C8orf34: variants seen among roughly 807,000 people sequenced by gnomAD.
C8orf34 encodes the protein chromosome 8 open reading frame 34.
C8orf34 carries 65 observed loss-of-function variants against 68.3 expected under a neutral mutation model. The ratio of observed to expected loss-of-function variants is 0.95; its 90% CI spans 0.78 to 1.17. The LOEUF (loss-of-function observed/expected upper bound fraction) is 1.17, where lower values mean the gene tolerates loss of function less well. Among genes scored for constraint, C8orf34 ranks in the 50% most tolerant of loss-of-function variants. The probability of loss-of-function intolerance (pLI) is 0.00; values close to 1 mark genes in which losing one functional copy is unlikely to be tolerated. For synonymous variants in C8orf34, 244 were observed against 241.2 expected, an observed-to-expected ratio of 1.01 and a Z score of -0.11; for missense variants, 664 against 655.4, an observed-to-expected ratio of 1.01 and a Z score of -0.14.
At chr8:68,349,732 A>C (rs374919500) in intron 1 of C8orf34, among the ~76,000 whole-genome samples, 1 of 151,744 alleles carries the variant, frequency 6.6e-6, no homozygotes. Flanking sequence ...AAATTTATCT[A>C]TCTCTTTTAG....
chr8:68,597,610 G>A (rs942034053), intron 7 of C8orf34, among the ~76,000 whole-genome samples: 1 of 151,340 alleles, frequency 6.6e-6, no homozygotes, highest in Non-Finnish European at 1.5e-5. Context: ...GTGCACGGAC[G>A]AAGGAAATTT....
chr8:68,331,379 G>A (rs1424208819), intron 1 of C8orf34, 40 bp downstream of exon 1: 12 of 1,521,290 alleles, frequency 7.9e-6, no homozygotes, highest in Non-Finnish European at 9.7e-6. Flanking sequence ...TTGTCTTTAG[G>A]GGAAGGGGTG....
At position 68,547,682 on chromosome 8, in the gene C8orf34, G is replaced by A. The variant is rs1027251600; in HGVS notation, c.1105+14533G>A. Among the ~76,000 whole-genome samples the A allele has an allele frequency of 4.0e-5, 6 of 151,808 alleles. No homozygotes were observed. In the South Asian group the frequency reaches 1.0e-3, roughly 26 times the overall value. On this transcript the variant is annotated intron_variant, in intron 7 of 13. Coordinates refer to ENST00000518698, the MANE Select transcript of C8orf34 (RefSeq NM_052958.4). ...ACAGTCTCAAATGAATTTCTAATAG[G>A]CTTAGAAAGTTGACATTCAAATTCT...
intron 11 of C8orf34, among the ~76,000 whole-genome samples, chr8:68,778,175 C>T (rs1357750717): frequency 6.6e-6 from 1 of 152,088 alleles, no homozygotes; most frequent in African/African-American, 2.4e-5. Flanking sequence ...GAATGTGAGC[C>T]ATAAAATGAT....
intron 4 of C8orf34, among the ~76,000 whole-genome samples, chr8:68,470,141 T>C (rs956169855): frequency 6.6e-6 from 1 of 151,994 alleles, no homozygotes; most frequent in African/African-American, 2.4e-5. Context: ...TTGTAGAAAA[T>C]AAGAGTAAAG....
intron 7 of C8orf34, among the ~76,000 whole-genome samples, chr8:68,623,113 T>C (rs533832329): frequency 7.2e-5 from 11 of 152,326 alleles, no homozygotes; most frequent in Admixed American, 3.9e-4. Context: ...CTGTGTAACT[T>C]GATCAGATTA....
chr8:68,617,058 C>G (rs1185670359), intron 7 of C8orf34, among the ~76,000 whole-genome samples: 1 of 152,082 alleles, frequency 6.6e-6, no homozygotes, highest in Non-Finnish European at 1.5e-5. Flanking sequence ...TTCTTTGTCT[C>G]TTTTGATCTT....
At chr8:68,485,736 T>A (rs1464585429) in intron 4 of C8orf34, among the ~76,000 whole-genome samples, 12 of 149,990 alleles carry the variant, frequency 8.0e-5, no homozygotes, top group Non-Finnish European at 5.9e-5. Flanking sequence ...AATAAATAAA[T>A]AAATAAATAA....
At chr8:68,609,759 A>G (rs1817962664) in intron 7 of C8orf34, among the ~76,000 whole-genome samples, 1 of 152,192 alleles carries the variant, frequency 6.6e-6, no homozygotes, top group Non-Finnish European at 1.5e-5. Flanking sequence ...TACCATTAAT[A>G]TCCTTCCTTA....
intron 8 of C8orf34, among the ~76,000 whole-genome samples, chr8:68,678,576 A>G (rs1055284160): frequency 2.4e-4 from 37 of 152,176 alleles, no homozygotes; most frequent in Admixed American, 1.0e-3. Flanking sequence ...TTAATTGAAT[A>G]TAGAAAGAAC....
At chr8:68,761,377 T>A (rs79946962) in intron 10 of C8orf34, among the ~76,000 whole-genome samples, 1 of 152,196 alleles carries the variant, frequency 6.6e-6, no homozygotes, top group Non-Finnish European at 1.5e-5. Context: ...TGAAACTTCC[T>A]GCTCCCACTC....
intron 3 of C8orf34, among the ~76,000 whole-genome samples, chr8:68,463,541 A>C (rs1423546881): frequency 6.6e-6 from 1 of 152,242 alleles, no homozygotes; most frequent in Non-Finnish European, 1.5e-5. Context: ...AAAAATCCTC[A>C]ATAAAATACT....
intron 1 of C8orf34, among the ~76,000 whole-genome samples, chr8:68,426,769 T>G (rs1179040040): frequency 6.6e-6 from 1 of 151,716 alleles, no homozygotes; most frequent in African/African-American, 2.4e-5. Flanking sequence ...CTCGGGAGGT[T>G]GAGGCAGGAG....
At chr8:68,705,188 G>A (rs1821128547) in intron 8 of C8orf34, among the ~76,000 whole-genome samples, 1 of 152,134 alleles carries the variant, frequency 6.6e-6, no homozygotes, top group Admixed American at 6.6e-5. Flanking sequence ...TGTCCTATAA[G>A]GATTTGGGTA....
intron 4 of C8orf34, among the ~76,000 whole-genome samples, chr8:68,479,266 C>T (rs772174555): frequency 4.6e-5 from 7 of 151,972 alleles, no homozygotes; most frequent in East Asian, 1.9e-4. Context: ...AGGAGGAGTA[C>T]GTCCTGCAAA....
chr8:68,622,837 G>T (rs1041604315), intron 7 of C8orf34, among the ~76,000 whole-genome samples: 1 of 152,158 alleles, frequency 6.6e-6, no homozygotes, highest in Non-Finnish European at 1.5e-5. Context: ...AAGATGATTT[G>T]GGGGAAGTTT....
intron 7 of C8orf34, among the ~76,000 whole-genome samples, chr8:68,543,231 A>G (rs369880287): frequency 7.9e-5 from 12 of 152,244 alleles, no homozygotes; most frequent in African/African-American, 2.6e-4. Flanking sequence ...TGAAAAAACT[A>G]TTGGCATTTG....
intron 10 of C8orf34, among the ~76,000 whole-genome samples, chr8:68,731,574 T>A (rs968077346): frequency 2.0e-5 from 3 of 152,338 alleles, no homozygotes; most frequent in South Asian, 2.1e-4. Context: ...TAATTTACAT[T>A]ATATCATAAG....
chr8:68,518,252 A>ACTG (rs1372718541), intron 5 of C8orf34, among the ~76,000 whole-genome samples: 3 of 152,178 alleles, frequency 2.0e-5, no homozygotes, highest in Non-Finnish European at 2.9e-5. Flanking sequence ...TGAGACTACC[A>ACTG]CTGCTGAATC....
Sources: gnomAD v4.1 joint callset for allele counts (sites outside exome capture counted in the v4.1 genomes callset) on GRCh38, gnomAD v4.1.1 for gene constraint, MANE v1.5 for transcripts, NCBI Gene and HGNC (gene_info 2026-07-23, HGNC 2026-07-21) for gene names.